Variants in SMIM35 observed in about 807,000 individuals in gnomAD.
SMIM35 encodes the protein small integral membrane protein 35.
At position 118,078,013 on chromosome 11, in the gene SMIM35, C is replaced by CAAAAAAAAA. The variant is rs148383275; in HGVS notation, c.7+8729_7+8737dup. ...GGGCAACAAGAGTGAAACTCCGTCT[C>CAAAAAAAAA]AAAAAAAAAAAAAAAAAAAAAAAAA... On this transcript the variant is annotated intron_variant, in intron 1 of 4. Transcript: ENST00000689828. Among the ~76,000 whole-genome samples the CAAAAAAAAA allele has an allele frequency of 5.6e-4, 40 of 71,038 alleles. 1 individual carries two copies. The highest frequency in any genetic ancestry group is 1.3e-3 in the African/African-American group (23 of 18,084). 46.6% of individuals were successfully genotyped at this position (71,038 alleles called of 152,430 possible). A position where few individuals can be genotyped will look rare whatever the true frequency, so the allele number is the denominator to read the frequency against.
At chr11:118,030,259 C>T (rs549100327) in intron 1 of SMIM35, among the ~76,000 whole-genome samples, 162 of 151,922 alleles carry the variant, frequency 1.1e-3, no homozygotes, top group Non-Finnish European at 2.0e-3. Context: ...GGTTTTGAAC[C>T]CCTGACCTCA....
chr11:118,021,547 G>C (rs150181649), intron 1 of SMIM35, among the ~76,000 whole-genome samples: 190 of 150,764 alleles, frequency 1.3e-3, no homozygotes, highest in African/African-American at 4.5e-3. Flanking sequence ...ATTATTCTAG[G>C]GTTTATAAAA....
chr11:118,078,884 C>T (rs1005659239), intron 1 of SMIM35, among the ~76,000 whole-genome samples: 5 of 152,142 alleles, frequency 3.3e-5, no homozygotes, highest in African/African-American at 9.7e-5. Flanking sequence ...GCACCGGGTT[C>T]GCAGAGATTA....
chr11:118,004,893 C>G lies in SMIM35; in HGVS notation c.*1517G>C, dbSNP rs1565377072. 1.3e-5 allele frequency: 2 copies of G among 152,124 alleles called. No homozygotes were observed. 9.4% of individuals were successfully genotyped at this position (152,124 alleles called of 1,614,324 possible). A position where few individuals can be genotyped will look rare whatever the true frequency, so the allele number is the denominator to read the frequency against. ...GGCTCCCTTTAGTAAGTTGTCTAATCTGTAGAGCTGAGAGGCTCAGGGAGG... is the reference window on the plus strand; with the variant it reads ...GGCTCCCTTTAGTAAGTTGTCTAATGTGTAGAGCTGAGAGGCTCAGGGAGG... On this transcript the variant is annotated 3_prime_UTR_variant, in exon 5 of 5. Coordinates refer to ENST00000689828, the MANE Select transcript of SMIM35 (RefSeq NM_001394165.1).
chr11:118,048,301 G>A (rs1944135656), intron 1 of SMIM35, among the ~76,000 whole-genome samples: 1 of 152,168 alleles, frequency 6.6e-6, no homozygotes, highest in African/African-American at 2.4e-5. Context: ...CCTGAGGTCA[G>A]GAGTTTGAGT....
chr11:118,069,081 T>G (rs1394613664), intron 1 of SMIM35, among the ~76,000 whole-genome samples: 2 of 152,170 alleles, frequency 1.3e-5, no homozygotes, highest in Non-Finnish European at 2.9e-5. Flanking sequence ...GTCAGTCCTC[T>G]CTATTCTGCA....
chr11:118,025,829 G>A (rs185152205), intron 1 of SMIM35: 86 of 445,064 alleles, frequency 1.9e-4, no homozygotes, highest in African/African-American at 7.5e-4. Flanking sequence ...TATTTTTGTC[G>A]TAACTGCTTT....
chr11:118,062,331 AAAAC>A (rs946412179), intron 1 of SMIM35, among the ~76,000 whole-genome samples: 1 of 152,192 alleles, frequency 6.6e-6, no homozygotes, highest in Non-Finnish European at 1.5e-5. Context: ...CTCCATCTCA[AAAAC>A]AAACAAACAA....
At chr11:118,072,401 T>C (rs186153772) in intron 1 of SMIM35, among the ~76,000 whole-genome samples, 2 of 152,290 alleles carry the variant, frequency 1.3e-5, no homozygotes, top group Admixed American at 1.3e-4. Flanking sequence ...GGCAGGAGAA[T>C]TGCTTGAGCC....
chr11:118,080,396 T>C (rs1945030017), intron 1 of SMIM35, among the ~76,000 whole-genome samples: 1 of 152,130 alleles, frequency 6.6e-6, no homozygotes, highest in African/African-American at 2.4e-5. Context: ...ACTCCGGCAC[T>C]CCAGGTCATG....
chr11:118,061,174 A>G (rs1944389760), intron 1 of SMIM35, among the ~76,000 whole-genome samples: 1 of 152,242 alleles, frequency 6.6e-6, no homozygotes, highest in Non-Finnish European at 1.5e-5. Flanking sequence ...GGCTATAGAC[A>G]GGCCAAGGCG....
chr11:118,050,781 A>G (rs541090900), intron 1 of SMIM35, among the ~76,000 whole-genome samples: 1 of 152,128 alleles, frequency 6.6e-6, no homozygotes, highest in Admixed American at 6.5e-5. Context: ...GAAGCATTGA[A>G]ACACCTAAAT....
At chr11:118,076,921 G>A (rs892708404) in intron 1 of SMIM35, 1 of 207,730 alleles carries the variant, frequency 4.8e-6, no homozygotes, top group Non-Finnish European at 9.6e-6. Flanking sequence ...TACGCCTTAG[G>A]TGTGTCACCT....
intron 1 of SMIM35, among the ~76,000 whole-genome samples, chr11:118,081,795 A>G (rs1463880679): frequency 2.0e-5 from 3 of 151,080 alleles, no homozygotes; most frequent in Admixed American, 2.0e-4. Context: ...CTGAGCATCT[A>G]CTATGTGCTA....
chr11:118,015,724 G>A lies in SMIM35; in HGVS notation c.93C>T (p.Ala31=), dbSNP rs1222180924. 3 of 399,330 alleles carry A rather than the reference G, an allele frequency of 7.5e-6. No individual in the cohort carries two copies. The highest frequency in any genetic ancestry group is 2.1e-5 in the African/African-American group (1 of 48,636). 24.7% of individuals were successfully genotyped at this position (399,330 alleles called of 1,614,324 possible). A position where few individuals can be genotyped will look rare whatever the true frequency, so the allele number is the denominator to read the frequency against. Residue 31 remains alanine (A), a synonymous_variant, in exon 2 of 5, where the codon GCC becomes GCT. Coordinates refer to ENST00000689828, the MANE Select transcript of SMIM35 (RefSeq NM_001394165.1). The stretch of plus-strand genomic sequence containing the variant: ...AGCAGTACCCGCGCTGGTACCACTT[G>A]GCCAGGCTGTAGCCGAGGATGGACA... ...LLVSILGYSL[A]KWYQRGYCWE...
rs189685479 is a variant in SMIM35, at chr11:118,065,838, G to A, written c.7+20913C>T. 7.5e-3 allele frequency among the ~76,000 whole-genome samples: 1,146 copies of A among 152,158 alleles called. 13 individuals are homozygous for A. Among genetic ancestry groups the A allele is most frequent in the African/African-American group, 0.026 (1,098 of 41,478 alleles). On this transcript the variant is annotated intron_variant, in intron 1 of 4. Transcript: ENST00000689828. ...GCTTCATTATTTTCTTGCTTTGTGC[G>A]TTTTGTCCAATTCTTTGTTCGAAGC...
chr11:118,081,473 G>T (rs1256205607), intron 1 of SMIM35, among the ~76,000 whole-genome samples: 1 of 152,234 alleles, frequency 6.6e-6, no homozygotes. Flanking sequence ...GTCCTCCCCT[G>T]CCCGTGGCCC....
rs57912361 is a variant in SMIM35, at chr11:118,053,307, A to AACACACAC, written c.7+33436_7+33443dup. Among the ~76,000 whole-genome samples the AACACACAC allele has an allele frequency of 4.8e-3, 679 of 142,078 alleles. 6 individuals are homozygous for AACACACAC. Among genetic ancestry groups the AACACACAC allele is most frequent in the African/African-American group, 0.015 (554 of 37,164 alleles). The allele number at this position is 142,078 out of a possible 152,430, so 93.2% of individuals were successfully genotyped here. On this transcript the variant is annotated intron_variant, in intron 1 of 4. Transcript: ENST00000689828. ...TGGGTGACAGAGCAAGACTCTCTAAAACACACACACACACACACACACACA... is the reference window on the plus strand; with the variant it reads ...TGGGTGACAGAGCAAGACTCTCTAAAACACACACACACACACACACACACACACACACA...
At chr11:118,058,018 G>A (rs1259525692) in intron 1 of SMIM35, among the ~76,000 whole-genome samples, 3 of 152,294 alleles carry the variant, frequency 2.0e-5, no homozygotes, top group Middle Eastern at 3.4e-3. Flanking sequence ...TGCAGGGTAG[G>A]GTAACCGCAG....
Sources: gnomAD v4.1 joint callset for allele counts (sites outside exome capture counted in the v4.1 genomes callset) on GRCh38, gnomAD v4.1.1 for gene constraint, MANE v1.5 for transcripts, NCBI Gene and HGNC (gene_info 2026-07-23, HGNC 2026-07-21) for gene names.